The following NLRC5 variants were observed in gnomAD, a reference collection of about 807,000 sequenced individuals.
NLRC5 encodes protein NLRC5.
NLRC5 carries 114 observed loss-of-function variants against 206.9 expected under a neutral mutation model. The ratio of observed to expected loss-of-function variants is 0.55; its 90% confidence interval spans 0.47 to 0.64. The LOEUF (loss-of-function observed/expected upper bound fraction) is 0.64, where lower values mean the gene tolerates loss of function less well. NLRC5 is among the 30% of genes least tolerant of loss of function. NLRC5 has a pLI of 0.00. For synonymous variants in NLRC5, 952 were observed against 962.8 expected, an observed-to-expected ratio of 0.99 and a Z score of 0.21; for missense variants, 2,008 against 2,305.5, an observed-to-expected ratio of 0.87 and a Z score of 2.64.
intron 46 of NLRC5, among the ~76,000 whole-genome samples, chr16:57,080,480 G>T (rs942067389): frequency 5.7e-5 from 5 of 87,282 alleles, no homozygotes; most frequent in South Asian, 3.8e-4. Flanking sequence ...TTCCTTTCAA[G>T]ATTTTTTTTT....
chr16:57,041,231 C>G (rs1206116481), intron 17 of NLRC5: 4 of 511,110 alleles, frequency 7.8e-6, no homozygotes, highest in African/African-American at 5.7e-5. Flanking sequence ...CTGATCTGCT[C>G]TCTCTCTCTG....
chr16:57,074,524 A>C, intron 38 of NLRC5, 76 bp from the exon 39 acceptor site: 1 of 1,292,020 alleles, frequency 7.7e-7, no homozygotes, highest in Non-Finnish European at 1.1e-6. Context: ...CTTGCTAAGC[A>C]CAGAGGCCTC....
Position 57,025,855 on chromosome 16 carries a change from G to A in NLRC5, c.912G>A (p.Leu304=). The change falls in exon 6 of 49, where the codon CTG becomes CTA. Residue 304 remains leucine, a synonymous_variant. Coordinates refer to ENST00000688547, the MANE Select transcript of NLRC5 (RefSeq NM_001384950.1). ...AGAAGAACGCTGACCAAGTCCTGCT[G>A]ATCTTTGATGGGCTAGATGAGGCCC... is the stretch of plus-strand genomic sequence containing the variant. ...YLEKNADQVL[L]IFDGLDEALQ... 2 of 1,614,254 alleles carry A rather than the reference G, an allele frequency of 1.2e-6. No homozygotes were observed. Among genetic ancestry groups the A allele is most frequent in the Non-Finnish European group, 1.7e-6 (2 of 1,180,058 alleles).
chr16:57,055,610 A>G, intron 27 of NLRC5, 91 bp downstream of exon 27: 1 of 994,492 alleles, frequency 1.0e-6, no homozygotes, highest in Non-Finnish European at 1.6e-6. Flanking sequence ...GTGCACATAC[A>G]CTCATGTGTG....
intron 48 of NLRC5, 91 bp downstream of exon 48, chr16:57,081,701 C>A: frequency 8.8e-7 from 1 of 1,133,360 alleles, no homozygotes; most frequent in Non-Finnish European, 1.3e-6. Context: ...GCGGCAGGGC[C>A]TGGGCTGGGG....
intron 15 of NLRC5, among the ~76,000 whole-genome samples, chr16:57,037,718 G>C (rs577756108): frequency 2.3e-4 from 35 of 152,288 alleles, no homozygotes; most frequent in African/African-American, 7.5e-4. Context: ...ACTGACAAGT[G>C]ACATGCGACC....
At chr16:57,001,214 C>A (rs2058203459) in intron 1 of NLRC5, among the ~76,000 whole-genome samples, 1 of 152,226 alleles carries the variant, frequency 6.6e-6, no homozygotes, top group Non-Finnish European at 1.5e-5. Flanking sequence ...GACCTGTCCA[C>A]CTGGACCTAA....
chr16:57,061,364 T>C (rs751368171), intron 30 of NLRC5, 84 bp from the exon 31 acceptor site: 16 of 1,360,302 alleles, frequency 1.2e-5, no homozygotes, highest in Non-Finnish European at 1.4e-5. Flanking sequence ...GCTCCCCCAA[T>C]AGGCCCTCAG....
At chr16:57,030,118 G>T in intron 10 of NLRC5, 34 bp downstream of exon 10, 2 of 1,570,254 alleles carry the variant, frequency 1.3e-6, no homozygotes, top group Non-Finnish European at 8.8e-7. Flanking sequence ...GGCCTTATGG[G>T]CCTTGAGAAA....
At chr16:57,055,608 A>G in intron 27 of NLRC5, 89 bp downstream of exon 27, 3 of 1,033,544 alleles carry the variant, frequency 2.9e-6, no homozygotes, top group Non-Finnish European at 4.5e-6. Flanking sequence ...GTGTGCACAT[A>G]CACTCATGTG....
rs567305346 is a variant in NLRC5, at chr16:56,993,746, C to T, written c.-128+4129C>T. Among the ~76,000 whole-genome samples, 5 of 152,178 alleles carry T rather than the reference C, an allele frequency of 3.3e-5. No individual in the cohort carries two copies. The South Asian group carries it at 1.0e-3, about 32-fold the overall frequency. On this transcript the variant is annotated intron_variant, in intron 1 of 48. Coordinates refer to ENST00000688547, the MANE Select transcript of NLRC5 (RefSeq NM_001384950.1). ...ATAAACTGTCAGTTCATATCCTTTGCCCACTTTTTTATTGGCTTTTGGTCT... is the reference window on the plus strand; with the variant it reads ...ATAAACTGTCAGTTCATATCCTTTGTCCACTTTTTTATTGGCTTTTGGTCT...
Position 57,026,350 on chromosome 16 carries a change from G to T in NLRC5, c.1407G>T (p.Glu469Asp), listed in dbSNP as rs1186562906. The change falls in exon 6 of 49, where the codon GAG becomes GAT. Residue 469 changes from glutamate (E) to aspartate (D), a missense_variant. Physicochemically the swap from Glu to Asp is conservative, Grantham distance 45 (BLOSUM62 2). Coordinates refer to ENST00000688547, the MANE Select transcript of NLRC5 (RefSeq NM_001384950.1). ...GGGAGGTGGCCCTGAGGGGCCTGGA[G>T]ACAGGGAAGGTTATCTTCTATGCAA... ...DLGEVALRGL[E>D]TGKVIFYAKD... is the part of the protein sequence containing the mutation. 4 of 1,613,846 alleles carry T rather than the reference G, an allele frequency of 2.5e-6. No individual in the cohort carries two copies. Among genetic ancestry groups the T allele is most frequent in the Non-Finnish European group, 3.4e-6 (4 of 1,180,048 alleles).
intron 6 of NLRC5, among the ~76,000 whole-genome samples, chr16:57,027,790 T>C (rs764940432): frequency 2.0e-5 from 3 of 152,226 alleles, no homozygotes; most frequent in Non-Finnish European, 2.9e-5. Context: ...GATACATCCC[T>C]TCCACTCACA....
chr16:57,004,787 G>A (rs894179987), intron 1 of NLRC5, among the ~76,000 whole-genome samples: 8 of 152,230 alleles, frequency 5.3e-5, no homozygotes, highest in Non-Finnish European at 1.0e-4. Flanking sequence ...ACAGCAGGAA[G>A]GATTCCCAAA....
intron 16 of NLRC5, among the ~76,000 whole-genome samples, chr16:57,040,242 C>A (rs183860300): frequency 6.6e-6 from 1 of 152,334 alleles, no homozygotes; most frequent in African/African-American, 2.4e-5. Flanking sequence ...TGGATTGCCC[C>A]AGCCTAGCGC....
chr16:57,078,463 C>CTTTTTTTTTTTTT (rs1567650358), intron 43 of NLRC5, among the ~76,000 whole-genome samples: 1 of 123,868 alleles, frequency 8.1e-6, no homozygotes, highest in African/African-American at 3.6e-5. Flanking sequence ...GTGCTGGGAC[C>CTTTTTTTTTTTTT]TTGTTTTTTT....
chr16:56,997,653 C>T (rs180855628), intron 1 of NLRC5, among the ~76,000 whole-genome samples: 31 of 152,198 alleles, frequency 2.0e-4, no homozygotes, highest in Admixed American at 9.8e-4. Flanking sequence ...CGGCTTACTG[C>T]GCCTCAACCT....
intron 2 of NLRC5, 75 bp from the exon 3 acceptor site, chr16:57,020,626 T>G: frequency 1.0e-5 from 3 of 299,166 alleles, no homozygotes; most frequent in Non-Finnish European, 1.5e-5. Flanking sequence ...TCCCCCCAAG[T>G]TCCCCTGTCC....
At chr16:57,067,109 C>A (rs1187345370) in intron 34 of NLRC5, among the ~76,000 whole-genome samples, 1 of 152,206 alleles carries the variant, frequency 6.6e-6, no homozygotes, top group Admixed American at 6.5e-5. Context: ...TGCAGCCCTG[C>A]ATGTGTACAT....
Sources: allele counts gnomAD v4.1 joint callset (sites outside exome capture counted in the v4.1 genomes callset), GRCh38; gene constraint gnomAD v4.1.1; transcripts MANE v1.5; gene names NCBI Gene and HGNC (gene_info 2026-07-23, HGNC 2026-07-21).